GDPD5: variants seen among roughly 807,000 people sequenced by gnomAD.
The protein encoded by GDPD5 is glycerophosphodiester phosphodiesterase 2.
A neutral mutation model predicts 75.1 loss-of-function variants in GDPD5; 48 were observed. The observed-to-expected ratio is 0.64, with a 90% confidence interval of 0.51 to 0.81. The LOEUF (loss-of-function observed/expected upper bound fraction) is 0.81, where lower values mean the gene tolerates loss of function less well. Ranked by LOEUF, GDPD5 falls within the 40% of genes least tolerant of loss-of-function variation. GDPD5 has a pLI of 0.00. For missense variants in GDPD5, 706 were observed against 822.6 expected (o/e 0.86, Z 1.73); for synonymous variants, 336 against 339.0 (o/e 0.99, Z 0.10).
chr11:75,485,161 A>T (rs938433783), intron 2 of GDPD5: 1 of 152,252 alleles, frequency 6.6e-6, no homozygotes, highest in African/African-American at 2.4e-5. Context: ...GGTAGTAAAG[A>T]GATCAGTGGC....
At position 75,441,157 on chromosome 11, in the gene GDPD5, A is replaced by C. The variant is rs372098761; in HGVS notation, c.1473+6T>G. 1 of 1,612,906 alleles carries C rather than the reference A, an allele frequency of 6.2e-7. No individual in the cohort carries two copies. Among genetic ancestry groups the C allele is most frequent in the South Asian group, 1.1e-5 (1 of 91,050 alleles). The stretch of plus-strand genomic sequence containing the variant: ...CCCCCCAGGGGCCCTCTGCCCCCCA[A>C]CTCACCATGATCCAGAGGGGGGAAG... On this transcript the variant is annotated splice_donor_region_variant and intron_variant, in intron 14 of 16. Coordinates refer to ENST00000336898, the MANE Select transcript of GDPD5 (RefSeq NM_030792.8).
Position 75,525,733 on chromosome 11 carries a change from C to T in GDPD5, c.-668G>A, listed in dbSNP as rs1237223712. On this transcript the variant is annotated 5_prime_UTR_variant, in exon 1 of 17. Coordinates refer to ENST00000336898, the MANE Select transcript of GDPD5 (RefSeq NM_030792.8). The stretch of plus-strand genomic sequence containing the variant: ...GCGGGGAGGCGCGGCGGCCGGAGCC[C>T]CGCGGGGAAGTCTTTCCAGGTCCCG... The T allele has an allele frequency of 6.6e-6, 1 of 150,786 alleles. No individual in the cohort carries two copies. The highest frequency in any genetic ancestry group is 1.5e-5 in the Non-Finnish European group (1 of 67,442). The allele number at this position is 150,786 out of a possible 1,614,324, so 9.3% of individuals were successfully genotyped here.
intron 1 of GDPD5, among the ~76,000 whole-genome samples, chr11:75,491,826 A>C (rs1209903107): frequency 1.3e-5 from 2 of 152,218 alleles, no homozygotes; most frequent in East Asian, 3.8e-4. Flanking sequence ...GGTTCTGAGA[A>C]GTGAACACAC....
chr11:75,486,133 A>G (rs1950018051), intron 2 of GDPD5, among the ~76,000 whole-genome samples: 1 of 152,094 alleles, frequency 6.6e-6, no homozygotes. Context: ...CCAGCACTCA[A>G]CTTCTAAAAC....
At chr11:75,499,775 A>G (rs759484166) in intron 1 of GDPD5, among the ~76,000 whole-genome samples, 50 of 152,136 alleles carry the variant, frequency 3.3e-4, no homozygotes, top group Non-Finnish European at 5.4e-4. Flanking sequence ...GAAGCAGGCC[A>G]TCCACGTCCT....
chr11:75,525,038 C>T (rs906251014), intron 1 of GDPD5, among the ~76,000 whole-genome samples, 172 bp downstream of exon 1: 23 of 152,230 alleles, frequency 1.5e-4, no homozygotes, highest in Non-Finnish European at 2.4e-4. Context: ...CGCGAACCCG[C>T]ACACAATGGG....
rs752242465 is a variant in GDPD5, at chr11:75,441,628, C to G, written c.1325+18G>C. 1.3e-5 allele frequency: 20 copies of G among 1,547,350 alleles called. No individual in the cohort carries two copies. Among genetic ancestry groups the G allele is most frequent in the Non-Finnish European group, 1.7e-5 (20 of 1,148,294 alleles). The stretch of plus-strand genomic sequence containing the variant: ...CAGTCCCACCCTCTCCTGGAGGAGC[C>G]CAGGGCAGGGCAGGCACCTGAGCTC... On this transcript the variant is annotated intron_variant, in intron 13 of 16. Transcript: ENST00000336898.
At chr11:75,493,889 G>C (rs962967041) in intron 1 of GDPD5, among the ~76,000 whole-genome samples, 1 of 152,130 alleles carries the variant, frequency 6.6e-6, no homozygotes, top group Admixed American at 6.5e-5. Context: ...TCACAAAAAT[G>C]CACATGGTGG....
intron 1 of GDPD5, chr11:75,508,196 G>A (rs1019277247): frequency 6.6e-6 from 1 of 152,202 alleles, no homozygotes; most frequent in East Asian, 1.9e-4. Flanking sequence ...TTTTCGTGGA[G>A]TCACAAGGTA....
At chr11:75,523,638 T>A (rs905236704) in intron 1 of GDPD5, among the ~76,000 whole-genome samples, 1 of 152,072 alleles carries the variant, frequency 6.6e-6, no homozygotes, top group Non-Finnish European at 1.5e-5. Flanking sequence ...CCTCCTCTGC[T>A]TCACTCTAGG....
intron 2 of GDPD5, among the ~76,000 whole-genome samples, chr11:75,478,520 C>T (rs140818914): frequency 2.8e-4 from 43 of 152,358 alleles, no homozygotes; most frequent in Admixed American, 8.5e-4. Flanking sequence ...ATTCCCTAAG[C>T]TCCTTCCCAC....
rs780362595 is a variant in GDPD5 at position 75,449,088 on chromosome 11, G to A, written c.603C>T (p.Thr201=). 63 of 1,602,034 alleles carry A rather than the reference G, an allele frequency of 3.9e-5. 1 individual carries two copies. The South Asian group carries it at 6.2e-4, about 16-fold the overall frequency. Reference sequence around the variant, plus strand: ...GGGCCAGGTAGAGGGCAAACACCACGGTGAAGAAGGTACAGAGAATGGTCA... The same window carrying A: ...GGGCCAGGTAGAGGGCAAACACCACAGTGAAGAAGGTACAGAGAATGGTCA... ...SQVTILCTFF[T]VVFALYLAPL... Residue 201 remains threonine, a synonymous_variant, in exon 9 of 17, where the codon ACC becomes ACT. Transcript: ENST00000336898.
intron 2 of GDPD5, 98 bp downstream of exon 2, chr11:75,490,139 C>T (rs1950083279): frequency 6.6e-6 from 1 of 152,134 alleles, no homozygotes; most frequent in African/African-American, 2.4e-5. Flanking sequence ...TTTTCATAAA[C>T]TCCCCCATGG....
In GDPD5 at chr11:75,435,168, T is replaced by C. The variant is rs1435442745; in HGVS notation, c.*339A>G. ...ACAGGTGAGCATCCACACACTCCAT[T>C]GCCACAGGGGGTATGGCATGGCCCA... is the stretch of plus-strand genomic sequence containing the variant. On this transcript the variant is annotated 3_prime_UTR_variant, in exon 17 of 17. Coordinates refer to ENST00000336898, the MANE Select transcript of GDPD5 (RefSeq NM_030792.8). 2.0e-5 allele frequency: 4 copies of C among 200,824 alleles called. No individual in the cohort carries two copies. Among genetic ancestry groups the C allele is most frequent in the Non-Finnish European group, 3.0e-5 (3 of 99,752 alleles). The allele number at this position is 200,824 out of a possible 1,614,324, so 12.4% of individuals were successfully genotyped here. A position where few individuals can be genotyped will look rare whatever the true frequency, so the allele number is the denominator to read the frequency against.
At chr11:75,513,177 A>G (rs1221910615) in intron 1 of GDPD5, among the ~76,000 whole-genome samples, 2 of 152,216 alleles carry the variant, frequency 1.3e-5, no homozygotes, top group Admixed American at 1.3e-4. Context: ...AAATCATTAC[A>G]TGACCTCAGA....
Position 75,437,036 on chromosome 11 carries a change from A to G in GDPD5, c.1569T>C (p.Gly523=). Residue 523 remains glycine (G), a synonymous_variant, in exon 16 of 17, where the codon GGT becomes GGC. Transcript: ENST00000336898. ...GIFVLQKWRL[G]GIRSYNPEQI... is the part of the protein sequence containing the mutation. Reference sequence around the variant, plus strand: ...GCTCAGGGTTGTAGCTCCGTATGCCACCCAGGCGCCACCTGCAGAGATGGC... The same window carrying G: ...GCTCAGGGTTGTAGCTCCGTATGCCGCCCAGGCGCCACCTGCAGAGATGGC... 1 of 1,613,052 alleles carries G rather than the reference A, an allele frequency of 6.2e-7. No homozygotes were observed. Among genetic ancestry groups the G allele is most frequent in the Non-Finnish European group, 8.5e-7 (1 of 1,179,886 alleles).
Position 75,444,452 on chromosome 11 carries a change from T to C in GDPD5, c.758A>G (p.Glu253Gly). Residue 253 changes from glutamate to glycine, a missense_variant, in exon 10 of 17, where the codon GAG becomes GGG. Glu to Gly is a moderately conservative substitution (Grantham distance 98). Transcript: ENST00000336898. ...AGCCTGGAGCCCGTACAGCTTCTGCTCGAGGGCCTTCCGGAAGGACATGAG... is the reference window on the plus strand; with the variant it reads ...AGCCTGGAGCCCGTACAGCTTCTGCCCGAGGGCCTTCCGGAAGGACATGAG... Reference protein sequence around the residue: ...HTLMSFRKALEQKLYGLQADI... With the variant: ...HTLMSFRKALGQKLYGLQADI... The C allele has an allele frequency of 6.2e-7, 1 of 1,613,810 alleles. No homozygotes were observed. The highest frequency in any genetic ancestry group is 8.5e-7 in the Non-Finnish European group (1 of 1,179,902).
intron 10 of GDPD5, 111 bp downstream of exon 10, chr11:75,444,302 C>G (rs1948924284): frequency 6.5e-6 from 5 of 773,400 alleles, no homozygotes; most frequent in Non-Finnish European, 1.1e-5. Context: ...CTAAGTCTTC[C>G]TCCTCCCATC....
chr11:75,461,765 T>C, intron 4 of GDPD5, among the ~76,000 whole-genome samples: 1 of 152,178 alleles, frequency 6.6e-6, no homozygotes, highest in Non-Finnish European at 1.5e-5. Flanking sequence ...CATGCTGACC[T>C]GAACATCTGA....
Sources: allele counts gnomAD v4.1 joint callset (sites outside exome capture counted in the v4.1 genomes callset), GRCh38; gene constraint gnomAD v4.1.1; transcripts MANE v1.5; gene names NCBI Gene and HGNC (gene_info 2026-07-23, HGNC 2026-07-21).